The following HFM1 variants were observed in gnomAD, a reference collection of about 807,000 sequenced individuals.
The protein encoded by HFM1 is helicase for meiosis 1.
A neutral mutation model predicts 192.1 loss-of-function variants in HFM1; 169 were observed. That is an observed-to-expected ratio of 0.88 (90% CI 0.78 to 1.00). The LOEUF (loss-of-function observed/expected upper bound fraction) is 1.00. Among genes scored for constraint, HFM1 ranks in the 50% least tolerant of loss-of-function variants. HFM1 has a pLI of 0.00. For missense variants in HFM1, 1,661 were observed against 1,668.0 expected (o/e 1.00, Z 0.07); for synonymous variants, 525 against 537.8 (o/e 0.98, Z 0.33).
chr1:91,349,149 T>C (rs1359354606), intron 18 of HFM1, among the ~76,000 whole-genome samples: 4 of 151,718 alleles, frequency 2.6e-5, no homozygotes. Flanking sequence ...ATTAGCCAGG[T>C]GTGGTGGTGC....
At chr1:91,331,988 A>C (rs1193415764) in intron 20 of HFM1, among the ~76,000 whole-genome samples, 1 of 152,230 alleles carries the variant, frequency 6.6e-6, no homozygotes, top group Non-Finnish European at 1.5e-5. Flanking sequence ...TTCCATGTTC[A>C]TGGATTGGAA....
intron 30 of HFM1, among the ~76,000 whole-genome samples, chr1:91,295,314 A>G (rs910942510): frequency 6.6e-6 from 1 of 152,170 alleles, no homozygotes; most frequent in African/African-American, 2.4e-5. Flanking sequence ...GAGTGGCTTA[A>G]ACAACTGAAA....
At chr1:91,395,329 A>G (rs1308864326) in intron 3 of HFM1, among the ~76,000 whole-genome samples, 1 of 152,178 alleles carries the variant, frequency 6.6e-6, no homozygotes, top group Non-Finnish European at 1.5e-5. Flanking sequence ...TATTCATAAA[A>G]CAAAAATCAA....
upstream of HFM1, among the ~76,000 whole-genome samples, chr1:91,407,208 G>C (rs1385979752): frequency 6.6e-6 from 1 of 152,158 alleles, no homozygotes. Flanking sequence ...GGCCCGTTGG[G>C]GGGTGAGGGG....
At chr1:91,282,056 C>T (rs1374069233) in intron 30 of HFM1, among the ~76,000 whole-genome samples, 1 of 152,182 alleles carries the variant, frequency 6.6e-6, no homozygotes, top group Non-Finnish European at 1.5e-5. Context: ...TTTCATTCAT[C>T]CTAACTAGCA....
chr1:91,334,807 T>C (rs1654340918), intron 20 of HFM1, among the ~76,000 whole-genome samples: 1 of 151,778 alleles, frequency 6.6e-6, no homozygotes, highest in South Asian at 2.1e-4. Flanking sequence ...CGGGCACCTG[T>C]AGTCCCAGCT....
intron 18 of HFM1, among the ~76,000 whole-genome samples, chr1:91,350,146 T>C (rs1175985418): frequency 6.6e-6 from 1 of 152,182 alleles, no homozygotes; most frequent in Non-Finnish European, 1.5e-5. Flanking sequence ...TAGGCTTATA[T>C]TAATTACTCT....
chr1:91,270,219 G>A (rs1346897196), intron 34 of HFM1, among the ~76,000 whole-genome samples: 1 of 152,128 alleles, frequency 6.6e-6, no homozygotes, highest in East Asian at 1.9e-4. Flanking sequence ...TAACAAATAT[G>A]AGAGATGTGC....
chr1:91,389,014 G>A (rs1291538117), intron 4 of HFM1, among the ~76,000 whole-genome samples: 3 of 151,898 alleles, frequency 2.0e-5, no homozygotes, highest in Non-Finnish European at 2.9e-5. Flanking sequence ...GAAGACATAC[G>A]AATGGCTGAT....
At chr1:91,265,749 G>C (rs1485488765) in intron 36 of HFM1, among the ~76,000 whole-genome samples, 1 of 152,184 alleles carries the variant, frequency 6.6e-6, no homozygotes, top group Non-Finnish European at 1.5e-5. Context: ...AAAAGTGAAG[G>C]TTCCTGGGCT....
intron 34 of HFM1, among the ~76,000 whole-genome samples, chr1:91,270,359 G>A (rs1666167271): frequency 7.2e-6 from 1 of 139,414 alleles, no homozygotes. Context: ...GGTGTAGAGT[G>A]AGGTAAGAAG....
At chr1:91,335,678 T>C (rs1314719315) in intron 20 of HFM1, among the ~76,000 whole-genome samples, 1 of 152,154 alleles carries the variant, frequency 6.6e-6, no homozygotes, top group East Asian at 1.9e-4. Context: ...AAGATTAATA[T>C]TCTAACAGGA....
At position 91,262,381 on chromosome 1, in the gene HFM1, T is replaced by G. The variant is rs747628741; in HGVS notation, c.4098A>C (p.Gln1366His). The G allele has an allele frequency of 3.9e-5, 62 of 1,576,276 alleles. No homozygotes were observed. Among genetic ancestry groups the G allele is most frequent in the Non-Finnish European group, 5.0e-5 (58 of 1,161,304 alleles). ...QAGNAVIVHFQERKPQNLSPE... is the reference protein window; with the variant it reads ...QAGNAVIVHFHERKPQNLSPE... ...GTGACAGATTTTGTGGTTTTCTTTC[T>G]TGAAAATGGACCTACATTTGAGATA... The change falls in exon 38 of 39, where the codon CAA (glutamine) becomes CAC (histidine). Residue 1366 changes from glutamine (Q) to histidine (H), a missense_variant. Transcript: ENST00000370425.
intron 20 of HFM1, among the ~76,000 whole-genome samples, chr1:91,339,915 G>A (rs1270480436): frequency 6.6e-6 from 1 of 152,092 alleles, no homozygotes; most frequent in East Asian, 1.9e-4. Context: ...AAAGGTATAT[G>A]TTACCTACAA....
intron 30 of HFM1, among the ~76,000 whole-genome samples, chr1:91,293,215 A>C (rs1296584461): frequency 1.3e-5 from 2 of 152,110 alleles, no homozygotes; most frequent in African/African-American, 2.4e-5. Flanking sequence ...GATCTAATTA[A>C]ACTAAAGAGC....
At chr1:91,357,330 A>G (rs1657883090) in intron 13 of HFM1, among the ~76,000 whole-genome samples, 1 of 152,238 alleles carries the variant, frequency 6.6e-6, no homozygotes, top group Non-Finnish European at 1.5e-5. Context: ...TATCACATTA[A>G]CAGAATGAAA....
At chr1:91,320,026 C>T (rs282000) in intron 23 of HFM1, among the ~76,000 whole-genome samples, 70,737 of 151,930 alleles carry the variant, frequency 0.47, 17,281 homozygotes, top group African/African-American at 0.62. Flanking sequence ...TAGTATATCC[C>T]GGGTTCTTTG....
chr1:91,335,005 C>T (rs1244355309), intron 20 of HFM1, among the ~76,000 whole-genome samples: 1 of 151,654 alleles, frequency 6.6e-6, no homozygotes, highest in Non-Finnish European at 1.5e-5. Flanking sequence ...CTTATGAACA[C>T]ATAGAAAACA....
rs1449712981 is a variant in HFM1, at chr1:91,396,287, A to G, written c.184+6T>C. The G allele has an allele frequency of 1.4e-6, 2 of 1,389,406 alleles. No individual in the cohort carries two copies. Among genetic ancestry groups the G allele is most frequent in the Admixed American group, 3.6e-5 (2 of 55,212 alleles). 86.1% of individuals were successfully genotyped at this position (1,389,406 alleles called of 1,614,324 possible). On this transcript the variant is annotated splice_donor_region_variant and intron_variant, in intron 3 of 38. Transcript: ENST00000370425. ...TTGGCTTCAAAACAAATATGTGATA[A>G]TTTACCTAACAGTTTATGACTTTCT...
Sources: gnomAD v4.1 joint callset for allele counts (sites outside exome capture counted in the v4.1 genomes callset) on GRCh38, gnomAD v4.1.1 for gene constraint, MANE v1.5 for transcripts, NCBI Gene and HGNC (gene_info 2026-07-23, HGNC 2026-07-21) for gene names.